Variants in PUM3 observed in about 807,000 individuals in gnomAD.
PUM3 encodes pumilio homolog 3.
In PUM3, 91 loss-of-function variants were observed where a neutral mutation model predicts 84.0. The observed-to-expected ratio is 1.08, with a 90% confidence interval of 0.91 to 1.29. The LOEUF (loss-of-function observed/expected upper bound fraction) is 1.29, where lower values mean the gene tolerates loss of function less well. PUM3 is among the 50% of genes most tolerant of loss of function. The pLI is 0.00. For synonymous variants in PUM3, 321 were observed against 266.7 expected (o/e 1.20, Z -1.98); for missense variants, 1,067 against 767.5 (o/e 1.39, Z -4.61).
chr9:2,838,587 G>C, intron 1 of PUM3, 70 bp from the exon 2 acceptor site: 2 of 910,314 alleles, frequency 2.2e-6, no homozygotes, highest in African/African-American at 1.6e-5. Flanking sequence ...CTGTTTCATA[G>C]TCATTGCCAC....
At chr9:2,823,203 T>C (rs1196061369) in intron 12 of PUM3, among the ~76,000 whole-genome samples, 1 of 152,050 alleles carries the variant, frequency 6.6e-6, no homozygotes, top group Non-Finnish European at 1.5e-5. Context: ...AACACTATTT[T>C]TGAAGCAACA....
At chr9:2,810,914 A>G (rs891476204) in intron 15 of PUM3, among the ~76,000 whole-genome samples, 9 of 152,232 alleles carry the variant, frequency 5.9e-5, no homozygotes, top group African/African-American at 1.2e-4. Context: ...CTCCTCTTCA[A>G]GAGCAATACC....
intron 12 of PUM3, among the ~76,000 whole-genome samples, chr9:2,821,230 G>C (rs952946136): frequency 6.6e-6 from 1 of 151,932 alleles, no homozygotes; most frequent in Non-Finnish European, 1.5e-5. Context: ...GGATCACGAG[G>C]TCAGGAGATC....
intron 12 of PUM3, 25 bp from the exon 13 acceptor site, chr9:2,820,123 G>C (rs907167410): frequency 1.3e-6 from 2 of 1,514,410 alleles, no homozygotes; most frequent in African/African-American, 1.4e-5. Flanking sequence ...AGCCAGCAAA[G>C]GTTAAAAACA....
Position 2,811,457 on chromosome 9 carries a change from G to T in PUM3, c.1539C>A (p.Asp513Glu). Residue 513 changes from aspartate (D) to glutamate (E), a missense_variant, in exon 15 of 18, where the codon GAC (aspartate) becomes GAA (glutamate). Physicochemically the swap from Asp to Glu is conservative, Grantham distance 45. Transcript: ENST00000397885. Reference protein sequence around the residue: ...LDKSACVLVSDILGSATGDVQ... With the variant: ...LDKSACVLVSEILGSATGDVQ... ...CGTCTCCAGTGGCAGATCCCAGAAT[G>T]TCAGACACCAACACACACGCAGACT... 6.2e-7 allele frequency: 1 copy of T among 1,614,162 alleles called. No homozygotes were observed. The highest frequency in any genetic ancestry group is 1.1e-5 in the South Asian group (1 of 91,082).
Position 2,822,389 on chromosome 9 carries a change from T to A in PUM3, c.1188+1392A>T, listed in dbSNP as rs1223118616. ...AAGGAACAAAAGAATATAGAATATATCCAGAAACCCCCAATATTTGGAAAT... is the reference window on the plus strand; with the variant it reads ...AAGGAACAAAAGAATATAGAATATAACCAGAAACCCCCAATATTTGGAAAT... On this transcript the variant is annotated intron_variant, in intron 12 of 17. Coordinates refer to ENST00000397885, the MANE Select transcript of PUM3 (RefSeq NM_014878.5). Among the ~76,000 whole-genome samples, 4 of 151,932 alleles carry A rather than the reference T, an allele frequency of 2.6e-5. No homozygotes were observed. The East Asian group carries it at 7.7e-4, about 29-fold the overall frequency.
intron 16 of PUM3, among the ~76,000 whole-genome samples, chr9:2,808,435 A>G (rs1371329673): frequency 2.0e-5 from 3 of 152,062 alleles, no homozygotes. Context: ...CAAAAATACC[A>G]TTTTTCTCCC....
At chr9:2,825,756 A>C (rs1435153633) in intron 10 of PUM3, among the ~76,000 whole-genome samples, 1 of 152,160 alleles carries the variant, frequency 6.6e-6, no homozygotes, top group African/African-American at 2.4e-5. Flanking sequence ...CTGGGATTAC[A>C]GGTGTGAGCC....
At chr9:2,835,237 A>AC (rs1357441591) in intron 3 of PUM3, among the ~76,000 whole-genome samples, 1 of 152,110 alleles carries the variant, frequency 6.6e-6, no homozygotes, top group Non-Finnish European at 1.5e-5. Context: ...AAATAGTGAG[A>AC]CCCCGTCTCC....
chr9:2,818,878 C>G (rs1490186972), intron 13 of PUM3, among the ~76,000 whole-genome samples: 2 of 152,162 alleles, frequency 1.3e-5, no homozygotes, highest in African/African-American at 4.8e-5. Flanking sequence ...TATACTTTTT[C>G]TACTACACTC....
intron 12 of PUM3, among the ~76,000 whole-genome samples, chr9:2,823,111 A>G (rs1815710035): frequency 6.6e-6 from 1 of 152,048 alleles, no homozygotes; most frequent in Non-Finnish European, 1.5e-5. Flanking sequence ...TCAAAAATTA[A>G]AATTGTATTC....
chr9:2,823,519 T>C (rs1052115005), intron 12 of PUM3, among the ~76,000 whole-genome samples: 6 of 152,042 alleles, frequency 3.9e-5, no homozygotes, highest in African/African-American at 7.2e-5. Flanking sequence ...CTAGTAAATA[T>C]CAGGTTTTCA....
intron 1 of PUM3, among the ~76,000 whole-genome samples, chr9:2,842,144 G>A (rs958526507): frequency 6.6e-6 from 1 of 152,102 alleles, no homozygotes; most frequent in African/African-American, 2.4e-5. Context: ...AATTTGCTTT[G>A]CTTGGGAACC....
At chr9:2,840,761 C>T (rs1393877408) in intron 1 of PUM3, among the ~76,000 whole-genome samples, 1 of 152,194 alleles carries the variant, frequency 6.6e-6, no homozygotes. Flanking sequence ...TAAAGCACAT[C>T]CTTATTTCCT....
At chr9:2,826,989 A>G in intron 10 of PUM3, 84 bp downstream of exon 10, 1 of 1,020,498 alleles carries the variant, frequency 9.8e-7, no homozygotes, top group Non-Finnish European at 1.5e-6. Flanking sequence ...TTTCCACAAG[A>G]CAACGTACAT....
intron 17 of PUM3, among the ~76,000 whole-genome samples, chr9:2,806,091 T>C (rs145147827): frequency 6.6e-6 from 1 of 152,238 alleles, no homozygotes; most frequent in Non-Finnish European, 1.5e-5. Context: ...AAACCTATAG[T>C]ATCCTTCCTA....
At chr9:2,804,579 C>T (rs1310680189) in intron 17 of PUM3, 116 bp from the exon 18 acceptor site, 2 of 909,204 alleles carry the variant, frequency 2.2e-6, no homozygotes, top group Non-Finnish European at 3.2e-6. Context: ...TAACTATATA[C>T]ACATTATTTT....
At chr9:2,838,584 A>G in intron 1 of PUM3, 67 bp from the exon 2 acceptor site, 1 of 943,376 alleles carries the variant, frequency 1.1e-6, no homozygotes, top group Non-Finnish European at 1.7e-6. Flanking sequence ...GAGCTGTTTC[A>G]TAGTCATTGC....
intron 7 of PUM3, 74 bp downstream of exon 7, chr9:2,830,888 G>A (rs1268513803): frequency 1.2e-5 from 9 of 743,226 alleles, no homozygotes; most frequent in Admixed American, 2.6e-5. Flanking sequence ...TTCCTATCTC[G>A]CATCTGAGCA....
Sources: gnomAD v4.1 joint callset for allele counts (sites outside exome capture counted in the v4.1 genomes callset) on GRCh38, gnomAD v4.1.1 for gene constraint, MANE v1.5 for transcripts, NCBI Gene and HGNC (gene_info 2026-07-23, HGNC 2026-07-21) for gene names.